The following PDC variants were observed in gnomAD, a reference collection of about 807,000 sequenced individuals.
The protein encoded by PDC is 33 kDa phototransducing protein.
Under a neutral mutation model 22.2 loss-of-function variants are expected in PDC, and 19 were observed. That is an observed-to-expected ratio of 0.86 (90% CI 0.60 to 1.26). The LOEUF (loss-of-function observed/expected upper bound fraction) is 1.26, where lower values mean the gene tolerates loss of function less well. Ranked by LOEUF, PDC falls within the 50% of genes most tolerant of loss-of-function variation. The pLI is 0.00. For missense variants in PDC, 274 were observed against 286.8 expected, an observed-to-expected ratio of 0.96 and a Z score of 0.32; for synonymous variants, 97 against 96.2, an observed-to-expected ratio of 1.01 and a Z score of -0.05.
chr1:186,443,723 A>G lies in PDC; in HGVS notation c.*256T>C. The G allele has an allele frequency of 2.9e-6, 1 of 341,140 alleles. No homozygotes were observed. Among genetic ancestry groups the G allele is most frequent in the Non-Finnish European group, 5.3e-6 (1 of 188,350 alleles). The allele number at this position is 341,140 out of a possible 1,614,324, so 21.1% of individuals were successfully genotyped here. A position where few individuals can be genotyped will look rare whatever the true frequency, so the allele number is the denominator to read the frequency against. On this transcript the variant is annotated 3_prime_UTR_variant, in exon 4 of 4. Coordinates refer to ENST00000391997, the MANE Select transcript of PDC (RefSeq NM_002597.5). Reference sequence around the variant, plus strand: ...CATAACTTGAAAGGGATTTTTGAAAAATGTCATAATATTATCCACATCCTC... The same window carrying G: ...CATAACTTGAAAGGGATTTTTGAAAGATGTCATAATATTATCCACATCCTC...
Position 186,459,293 on chromosome 1 carries a change from C to T in PDC, c.-25+1766G>A, listed in dbSNP as rs1028534752. ...CCAGGAATCTTTAACAAGCTCTAAGCCTGCCGAGTGCCTGCGATTGCAGGC... is the reference window on the plus strand; with the variant it reads ...CCAGGAATCTTTAACAAGCTCTAAGTCTGCCGAGTGCCTGCGATTGCAGGC... On this transcript the variant is annotated intron_variant, in intron 1 of 3. Coordinates refer to ENST00000391997, the MANE Select transcript of PDC (RefSeq NM_002597.5). Among the ~76,000 whole-genome samples the T allele has an allele frequency of 3.3e-5, 5 of 152,196 alleles. No homozygotes were observed. In the East Asian group the frequency reaches 9.7e-4, roughly 29 times the overall value.
At chr1:186,447,618 A>G (rs2102129489) in intron 2 of PDC, among the ~76,000 whole-genome samples, 1 of 152,176 alleles carries the variant, frequency 6.6e-6, no homozygotes, top group South Asian at 2.1e-4. Flanking sequence ...CTATATCTAC[A>G]CCTTTAATGT....
intron 3 of PDC, 95 bp from the exon 4 acceptor site, chr1:186,444,601 C>T: frequency 2.6e-6 from 2 of 765,386 alleles, no homozygotes; most frequent in Non-Finnish European, 4.1e-6. Context: ...TACTTTTGCT[C>T]TTTTTTTTCT....
intron 1 of PDC, among the ~76,000 whole-genome samples, chr1:186,452,810 T>C (rs1051575117): frequency 2.0e-5 from 3 of 152,326 alleles, no homozygotes; most frequent in East Asian, 1.9e-4. Context: ...TGGAAATTGG[T>C]AATAAAGTAA....
At position 186,443,792 on chromosome 1, in the gene PDC, TCAAG is replaced by T; in HGVS notation, c.*183_*186del. ...TGCTGAAGACAGCTCTGTTTTGTAGTCAAGCATTGTATCAATTTGAGTAACTAAT... is the reference window on the plus strand; with the variant it reads ...TGCTGAAGACAGCTCTGTTTTGTAGTCATTGTATCAATTTGAGTAACTAAT... On this transcript the variant is annotated 3_prime_UTR_variant, in exon 4 of 4. Transcript: ENST00000391997. 3.5e-6 allele frequency: 2 copies of T among 563,708 alleles called. No individual in the cohort carries two copies. The highest frequency in any genetic ancestry group is 3.2e-5 in the Admixed American group (1 of 30,782). 34.9% of individuals were successfully genotyped at this position (563,708 alleles called of 1,614,324 possible). A position where few individuals can be genotyped will look rare whatever the true frequency, so the allele number is the denominator to read the frequency against.
chr1:186,444,919 G>A (rs1662190543), intron 3 of PDC, among the ~76,000 whole-genome samples: 1 of 152,108 alleles, frequency 6.6e-6, no homozygotes, highest in Non-Finnish European at 1.5e-5. Flanking sequence ...TCTAGGAAAT[G>A]CAAATATTTG....
At chr1:186,459,752 G>GTGTGTATATATA (rs1299957095) in intron 1 of PDC, among the ~76,000 whole-genome samples, 1 of 112,084 alleles carries the variant, frequency 8.9e-6, no homozygotes, top group African/African-American at 3.2e-5. Flanking sequence ...GTGTGTGTGT[G>GTGTGTATATATA]TATATATATA....
chr1:186,453,296 T>A (rs1206491705), intron 1 of PDC, among the ~76,000 whole-genome samples: 1 of 152,160 alleles, frequency 6.6e-6, no homozygotes, highest in Non-Finnish European at 1.5e-5. Context: ...ATAGCGATGA[T>A]CTGGAATACA....
chr1:186,455,988 AAAAAAAATATATAT>A (rs1380431123), intron 1 of PDC, among the ~76,000 whole-genome samples: 1 of 90,098 alleles, frequency 1.1e-5, no homozygotes, highest in African/African-American at 5.7e-5. Context: ...AAAAAAAAAA[AAAAAAAATATATAT>A]ATATATATAT....
Position 186,443,726 on chromosome 1 carries a change from G to T in PDC, c.*253C>A, listed in dbSNP as rs1385819399. ...AACTTGAAAGGGATTTTTGAAAAAT[G>T]TCATAATATTATCCACATCCTCTTT... On this transcript the variant is annotated 3_prime_UTR_variant, in exon 4 of 4. Coordinates refer to ENST00000391997, the MANE Select transcript of PDC (RefSeq NM_002597.5). 4 of 360,354 alleles carry T rather than the reference G, an allele frequency of 1.1e-5. No individual in the cohort carries two copies. Among genetic ancestry groups the T allele is most frequent in the Middle Eastern group, 7.5e-4 (1 of 1,332 alleles). The allele number at this position is 360,354 out of a possible 1,614,324, so 22.3% of individuals were successfully genotyped here.
intron 1 of PDC, among the ~76,000 whole-genome samples, chr1:186,457,605 A>G (rs1223013681): frequency 6.6e-6 from 1 of 152,150 alleles, no homozygotes; most frequent in Non-Finnish European, 1.5e-5. Flanking sequence ...GAGTAAGACA[A>G]TACTTAGGAT....
chr1:186,459,056 G>A (rs1028941502), intron 1 of PDC, among the ~76,000 whole-genome samples: 1 of 152,180 alleles, frequency 6.6e-6, no homozygotes, highest in African/African-American at 2.4e-5. Context: ...CAGATACTCC[G>A]GAGGCTGACG....
At chr1:186,449,633 G>A (rs1306570809) in intron 1 of PDC, 150 bp from the exon 2 acceptor site, 5 of 449,294 alleles carry the variant, frequency 1.1e-5, no homozygotes, top group Non-Finnish European at 2.0e-5. Flanking sequence ...CAGTGGTAAA[G>A]TAAGTGGTAA....
Position 186,449,414 on chromosome 1 carries a change from G to C in PDC, c.46C>G (p.Gln16Glu). 2 of 1,605,348 alleles carry C rather than the reference G, an allele frequency of 1.2e-6. No homozygotes were observed. The highest frequency in any genetic ancestry group is 1.7e-6 in the Non-Finnish European group (2 of 1,173,642). The change falls in exon 2 of 4, where the codon CAG becomes GAG. Residue 16 changes from glutamine (Q) to glutamate (E), a missense_variant. Coordinates refer to ENST00000391997, the MANE Select transcript of PDC (RefSeq NM_002597.5). ...CTTTGCTTGCCTGTATGTGTGGCCT[G>C]TCCTTCAAAGTCTTCCTCCAAACTT... The part of the protein sequence containing the change: ...SQSLEEDFEG[Q>E]ATHTGPKGVI...
At chr1:186,456,504 C>G (rs1048234661) in intron 1 of PDC, among the ~76,000 whole-genome samples, 1 of 152,118 alleles carries the variant, frequency 6.6e-6, no homozygotes, top group African/African-American at 2.4e-5. Context: ...ATTAAACAGC[C>G]AAACATTAAA....
Position 186,444,025 on chromosome 1 carries a change from A to G in PDC, c.695T>C (p.Val232Ala), listed in dbSNP as rs757445146. 3.7e-6 allele frequency: 6 copies of G among 1,612,214 alleles called. No individual in the cohort carries two copies. In the African/African-American group the frequency reaches 8.0e-5, roughly 22 times the overall value. The change falls in exon 4 of 4, where the codon GTA (valine) becomes GCA (alanine). Residue 232 changes from valine (V) to alanine (A), a missense_variant. Coordinates refer to ENST00000391997, the MANE Select transcript of PDC (RefSeq NM_002597.5). ...TATTTTGGTATGCTCTAGGACATGT[A>G]CCTCTCTTTCAGGTAGTAACCCATA... Reference protein sequence around the residue: ...NEYGLLPEREVHVLEHTKIEE... With the variant: ...NEYGLLPEREAHVLEHTKIEE...
chr1:186,450,061 A>G (rs1662318659), intron 1 of PDC, among the ~76,000 whole-genome samples: 1 of 152,292 alleles, frequency 6.6e-6, no homozygotes, highest in South Asian at 2.1e-4. Context: ...GCCCAAGATC[A>G]TACAATAAGT....
At chr1:186,446,324 G>T in intron 3 of PDC, 102 bp downstream of exon 3, 1 of 862,318 alleles carries the variant, frequency 1.2e-6, no homozygotes, top group Non-Finnish European at 1.7e-6. Flanking sequence ...AAGCAATATT[G>T]TAATGAATAT....
At chr1:186,445,980 C>CAGGCATATGGATATGT (rs1273002505) in intron 3 of PDC, among the ~76,000 whole-genome samples, 1 of 152,154 alleles carries the variant, frequency 6.6e-6, no homozygotes, top group African/African-American at 2.4e-5. Flanking sequence ...TTCACATATT[C>CAGGCATATGGATATGT]AGGCATATGG....
Sources: gnomAD v4.1 joint callset for allele counts (sites outside exome capture counted in the v4.1 genomes callset) on GRCh38, gnomAD v4.1.1 for gene constraint, MANE v1.5 for transcripts, NCBI Gene and HGNC (gene_info 2026-07-23, HGNC 2026-07-21) for gene names.